AS3MT: variants seen among roughly 807,000 people sequenced by gnomAD.
AS3MT encodes S-adenosyl-L-methionine:arsenic(III) methyltransferase.
A neutral mutation model predicts 45.3 loss-of-function variants in AS3MT; 47 were observed. The observed-to-expected ratio is 1.04, with a 90% confidence interval of 0.82 to 1.32. The LOEUF (loss-of-function observed/expected upper bound fraction) is 1.32, where lower values mean the gene tolerates loss of function less well. AS3MT is among the 40% of genes most tolerant of loss of function. The pLI is 0.00. For missense variants in AS3MT, 396 were observed against 451.1 expected (o/e 0.88, Z 1.11); for synonymous variants, 141 against 152.8 (o/e 0.92, Z 0.57).
intron 10 of AS3MT, among the ~76,000 whole-genome samples, chr10:102,900,049 G>C (rs1405531025): frequency 6.6e-6 from 1 of 152,144 alleles, no homozygotes; most frequent in Admixed American, 6.6e-5. Context: ...TCATTTGGAG[G>C]TGAAAGGAGG....
At chr10:102,871,312 C>T (rs1292302948) in intron 3 of AS3MT, among the ~76,000 whole-genome samples, 3 of 151,346 alleles carry the variant, frequency 2.0e-5, no homozygotes, top group African/African-American at 4.9e-5. Flanking sequence ...TTTGGGAGGC[C>T]GAGGCGGGAG....
At chr10:102,874,036 C>T (rs942240833) in intron 5 of AS3MT, among the ~76,000 whole-genome samples, 6 of 152,000 alleles carry the variant, frequency 3.9e-5, no homozygotes, top group Admixed American at 6.6e-5. Context: ...AGGTGGATCA[C>T]GAGGTCAGGA....
rs1393957567 is a variant in AS3MT at position 102,897,501 on chromosome 10, G to A, written c.1021-3092G>A. 8.3e-4 allele frequency among the ~76,000 whole-genome samples: 124 copies of A among 148,880 alleles called. 1 individual carries two copies. Among genetic ancestry groups the A allele is most frequent in the Non-Finnish European group, 7.4e-5 (5 of 67,346 alleles). On this transcript the variant is annotated intron_variant, in intron 10 of 10. Transcript: ENST00000369880. Reference sequence around the variant, plus strand: ...TTTTTTTCCTTTGAGACAGAGTCTCGCTCTGTCACCCAGGCTGGAGTGCAG... The same window carrying A: ...TTTTTTTCCTTTGAGACAGAGTCTCACTCTGTCACCCAGGCTGGAGTGCAG...
At chr10:102,890,797 GC>G in intron 10 of AS3MT, 119 bp downstream of exon 10, 1 of 906,560 alleles carries the variant, frequency 1.1e-6, no homozygotes, top group Non-Finnish European at 1.6e-6. Context: ...TGCAACCTCC[GC>G]CTCCTGGGTT....
chr10:102,893,082 G>T (rs1004879031), intron 10 of AS3MT, among the ~76,000 whole-genome samples: 2 of 150,110 alleles, frequency 1.3e-5, no homozygotes, highest in African/African-American at 4.9e-5. Context: ...GTAGCACAAC[G>T]GAAGTCTCTA....
In AS3MT at chr10:102,870,206, C is replaced by T; in HGVS notation, c.165C>T (p.Ala55=). 1 of 1,614,132 alleles carries T rather than the reference C, an allele frequency of 6.2e-7. No individual in the cohort carries two copies. The highest frequency in any genetic ancestry group is 8.5e-7 in the Non-Finnish European group (1 of 1,180,018). The part of the protein sequence containing the change: ...EALQNVHEEV[A]LRYYGCGLVI... ...TGCAAAATGTACACGAAGAAGTAGCCCTAAGGTAGAGTGCCCTGTGCTGTC... is the reference window on the plus strand; with the variant it reads ...TGCAAAATGTACACGAAGAAGTAGCTCTAAGGTAGAGTGCCCTGTGCTGTC... The change falls in exon 3 of 11, where the codon GCC becomes GCT. Residue 55 remains alanine, a synonymous_variant. Coordinates refer to ENST00000369880, the MANE Select transcript of AS3MT (RefSeq NM_020682.4).
chr10:102,871,954 C>T (rs1443055216), intron 3 of AS3MT, among the ~76,000 whole-genome samples: 2 of 151,894 alleles, frequency 1.3e-5, no homozygotes, highest in East Asian at 3.9e-4. Context: ...GCCATCTCTG[C>T]TCACTGCAAC....
In AS3MT at chr10:102,893,485, AT is replaced by A. The variant is rs202147296; in HGVS notation, c.1020+2816del. Among the ~76,000 whole-genome samples the A allele has an allele frequency of 2.4e-4, 31 of 126,696 alleles. 1 individual carries two copies. Among genetic ancestry groups the A allele is most frequent in the Admixed American group, 3.2e-4 (4 of 12,600 alleles). 83.1% of individuals were successfully genotyped at this position (126,696 alleles called of 152,430 possible). On this transcript the variant is annotated intron_variant, in intron 10 of 10. Coordinates refer to ENST00000369880, the MANE Select transcript of AS3MT (RefSeq NM_020682.4). ...AGGCATGTGCCACCATGCCTGGCTAATTTTTTTTTCTTTTTTTTTTTTTTTT... is the reference window on the plus strand; with the variant it reads ...AGGCATGTGCCACCATGCCTGGCTAATTTTTTTTCTTTTTTTTTTTTTTTT...
chr10:102,896,258 G>A (rs7896290), intron 10 of AS3MT, among the ~76,000 whole-genome samples: 44,775 of 149,814 alleles, frequency 0.3, 6,938 homozygotes, highest in East Asian at 0.47. Context: ...TTTTGAGCCC[G>A]GGATGTGGAG....
At position 102,878,404 on chromosome 10, in the gene AS3MT, C is replaced by G; in HGVS notation, c.636C>G (p.Tyr212Ter). 1 of 1,613,972 alleles carries G rather than the reference C, an allele frequency of 6.2e-7. No individual in the cohort carries two copies. Among genetic ancestry groups the G allele is most frequent in the Non-Finnish European group, 8.5e-7 (1 of 1,179,986 alleles). ...LWGECLGGAL[Y>*]WKELAVLAQK... The stretch of plus-strand genomic sequence containing the variant: ...GTGAGTGTCTGGGTGGTGCTTTATA[C>G]TGGAAGGAACTTGCTGTCCTTGCTC... The change falls in exon 8 of 11, where the codon TAC becomes TAG. Residue 212 changes from tyrosine to a stop codon, truncating the protein, a stop_gained. Coordinates refer to ENST00000369880, the MANE Select transcript of AS3MT (RefSeq NM_020682.4). LOFTEE classifies it high-confidence loss of function.
chr10:102,884,224 C>A (rs555250531), intron 9 of AS3MT, among the ~76,000 whole-genome samples: 1 of 152,156 alleles, frequency 6.6e-6, no homozygotes, highest in South Asian at 2.1e-4. Flanking sequence ...AGGTGATCCC[C>A]CTGCTTCAGC....
intron 9 of AS3MT, among the ~76,000 whole-genome samples, chr10:102,888,730 CTT>C (rs1462755357): frequency 2.7e-5 from 4 of 149,634 alleles, no homozygotes; most frequent in Admixed American, 2.0e-4. Flanking sequence ...CCTGTCTTTT[CTT>C]TATGTTGGAA....
intron 9 of AS3MT, among the ~76,000 whole-genome samples, chr10:102,889,861 A>G (rs894044452): frequency 1.3e-5 from 2 of 151,824 alleles, no homozygotes; most frequent in Non-Finnish European, 2.9e-5. Flanking sequence ...TATTTTTAGT[A>G]GAGGCAGGGT....
intron 3 of AS3MT, 34 bp from the exon 4 acceptor site, chr10:102,872,414 T>C (rs765039549): frequency 6.2e-7 from 1 of 1,611,140 alleles, no homozygotes; most frequent in South Asian, 1.1e-5. Flanking sequence ...TCTTACAGTC[T>C]CCAGGGAAAA....
chr10:102,894,248 A>AC (rs1845124840), intron 10 of AS3MT, among the ~76,000 whole-genome samples: 1 of 151,504 alleles, frequency 6.6e-6, no homozygotes, highest in African/African-American at 2.4e-5. Flanking sequence ...ACATAGTGAA[A>AC]CCCCGTCTCT....
intron 10 of AS3MT, among the ~76,000 whole-genome samples, chr10:102,894,663 T>A (rs1845135147): frequency 6.6e-6 from 1 of 152,160 alleles, no homozygotes; most frequent in African/African-American, 2.4e-5. Context: ...GAACAGACTC[T>A]TTAAATCTGG....
Position 102,901,092 on chromosome 10 carries a change from C to CAAAAAAAAAAAAAAAAAAAGAAAAAAA in AS3MT, c.*415_*416insAAAAAAAAAAAAAAAAAAAAAAAGAAA, listed in dbSNP as rs1845263395. Reference sequence around the variant, plus strand: ...ACAGAGCAAGACTCTGTCTCAAAAGCAAAAAAAAAAAAAAAAAAAGAAAGA... The same window carrying CAAAAAAAAAAAAAAAAAAAGAAAAAAA: ...ACAGAGCAAGACTCTGTCTCAAAAGCAAAAAAAAAAAAAAAAAAAGAAAAAAAAAAAAAAAAAAAAAAAAAAGAAAGA... On this transcript the variant is annotated 3_prime_UTR_variant, in exon 11 of 11. Coordinates refer to ENST00000369880, the MANE Select transcript of AS3MT (RefSeq NM_020682.4). 1.3e-5 allele frequency: 1 copy of CAAAAAAAAAAAAAAAAAAAGAAAAAAA among 75,884 alleles called. No individual in the cohort carries two copies. Among genetic ancestry groups the CAAAAAAAAAAAAAAAAAAAGAAAAAAA allele is most frequent in the Non-Finnish European group, 2.4e-5 (1 of 41,178 alleles). The allele number at this position is 75,884 out of a possible 1,614,324, so 4.7% of individuals were successfully genotyped here. A position where few individuals can be genotyped will look rare whatever the true frequency, so the allele number is the denominator to read the frequency against.
At chr10:102,872,303 C>T in intron 3 of AS3MT, 145 bp from the exon 4 acceptor site, 1 of 836,532 alleles carries the variant, frequency 1.2e-6, no homozygotes, top group Non-Finnish European at 1.9e-6. Flanking sequence ...GGAGACTAAA[C>T]ATCAGAAGTA....
At chr10:102,878,646 G>A (rs1406465525) in intron 8 of AS3MT, 136 bp downstream of exon 8, 1 of 1,370,530 alleles carries the variant, frequency 7.3e-7, no homozygotes, top group Non-Finnish European at 9.9e-7. Context: ...CTTGCCTCCT[G>A]TACAATGGTA....
Sources: allele counts gnomAD v4.1 joint callset (sites outside exome capture counted in the v4.1 genomes callset), GRCh38; gene constraint gnomAD v4.1.1; transcripts MANE v1.5; gene names NCBI Gene and HGNC (gene_info 2026-07-23, HGNC 2026-07-21).